The following GLYATL2 variants were observed in gnomAD, a reference collection of about 807,000 sequenced individuals.
GLYATL2 encodes the protein glycine-N-acyltransferase like 2, also known as glycine N-acyltransferase-like protein 2.
In GLYATL2, 25 loss-of-function variants were observed where a neutral mutation model predicts 21.4. That is an observed-to-expected ratio of 1.17 (90% confidence interval 0.85 to 1.63). The LOEUF (loss-of-function observed/expected upper bound fraction) is 1.63, where lower values mean the gene tolerates loss of function less well. Ranked by LOEUF, GLYATL2 falls within the 40% of genes most tolerant of loss-of-function variation. The probability of loss-of-function intolerance (pLI) is 0.00; values close to 1 mark genes in which losing one functional copy is unlikely to be tolerated. For missense variants in GLYATL2, 361 were observed against 343.3 expected, an observed-to-expected ratio of 1.05 and a Z score of -0.41; for synonymous variants, 114 against 118.2, an observed-to-expected ratio of 0.96 and a Z score of 0.23.
At chr11:58,874,950 T>C (rs1251475812) in intron 1 of GLYATL2, among the ~76,000 whole-genome samples, 1 of 152,222 alleles carries the variant, frequency 6.6e-6, no homozygotes, top group Non-Finnish European at 1.5e-5. Context: ...CACTAAGGAC[T>C]TGCTTTATGA....
At chr11:58,896,836 G>A (rs536615306) in intron 1 of GLYATL2, among the ~76,000 whole-genome samples, 23 of 152,098 alleles carry the variant, frequency 1.5e-4, no homozygotes, top group African/African-American at 4.8e-4. Context: ...CTTTTCCAAC[G>A]TTTCATATAG....
intron 1 of GLYATL2, among the ~76,000 whole-genome samples, chr11:58,856,376 A>C (rs1206015051): frequency 6.6e-6 from 1 of 152,194 alleles, no homozygotes; most frequent in Non-Finnish European, 1.5e-5. Flanking sequence ...TTGCTTTCTT[A>C]TCATTGATGT....
At chr11:58,836,152 G>T (rs1456063368) in intron 5 of GLYATL2, among the ~76,000 whole-genome samples, 1 of 152,064 alleles carries the variant, frequency 6.6e-6, no homozygotes, top group Non-Finnish European at 1.5e-5. Flanking sequence ...GTTATTCTCT[G>T]CAATTCTAGA....
At chr11:58,897,679 G>T (rs1030344436) in intron 1 of GLYATL2, among the ~76,000 whole-genome samples, 1 of 152,036 alleles carries the variant, frequency 6.6e-6, no homozygotes, top group East Asian at 1.9e-4. Flanking sequence ...ATGTGTTATA[G>T]GGCCTTGGTA....
At chr11:58,866,475 C>G (rs1229045693) in intron 1 of GLYATL2, among the ~76,000 whole-genome samples, 1 of 148,710 alleles carries the variant, frequency 6.7e-6, no homozygotes, top group East Asian at 2.2e-4. Flanking sequence ...GAAGAATCTG[C>G]TCAATCACCA....
chr11:58,899,540 G>GATAC (rs1289708283), intron 1 of GLYATL2, among the ~76,000 whole-genome samples: 1 of 152,196 alleles, frequency 6.6e-6, no homozygotes, highest in African/African-American at 2.4e-5. Flanking sequence ...AGAGGCCTCA[G>GATAC]ATACGAGCAG....
intron 1 of GLYATL2, among the ~76,000 whole-genome samples, chr11:58,872,208 C>T (rs537420604): frequency 2.2e-4 from 33 of 152,166 alleles, no homozygotes; most frequent in South Asian, 4.2e-4. Context: ...GAGTAGGTTG[C>T]GAAAATTTTC....
At chr11:58,859,777 T>C (rs1223222889) in intron 1 of GLYATL2, among the ~76,000 whole-genome samples, 1 of 152,198 alleles carries the variant, frequency 6.6e-6, no homozygotes, top group African/African-American at 2.4e-5. Flanking sequence ...CTTAAACCAT[T>C]TTTGGTTGAT....
chr11:58,882,374 G>A (rs1286077704), intron 1 of GLYATL2, among the ~76,000 whole-genome samples: 1 of 152,160 alleles, frequency 6.6e-6, no homozygotes, highest in African/African-American at 2.4e-5. Flanking sequence ...CTGCATAAAT[G>A]TCTTCTTTTG....
intron 1 of GLYATL2, chr11:58,893,327 A>C (rs1395341659): frequency 4.7e-6 from 1 of 212,944 alleles, no homozygotes; most frequent in East Asian, 1.1e-4. Context: ...CGTCATAAGA[A>C]TATTCCATTT....
chr11:58,834,862 T>G, intron 5 of GLYATL2, 25 bp from the exon 6 acceptor site: 2 of 1,521,812 alleles, frequency 1.3e-6, no homozygotes, highest in Non-Finnish European at 1.8e-6. Context: ...AATTTTACAT[T>G]TATTCAGCCA....
At chr11:58,836,964 C>T (rs1853442155) in intron 5 of GLYATL2, 51 bp downstream of exon 5, 1 of 1,517,146 alleles carries the variant, frequency 6.6e-7, no homozygotes, top group Non-Finnish European at 9.1e-7. Flanking sequence ...GCCTTTGTGG[C>T]AACTCAGTAA....
intron 1 of GLYATL2, among the ~76,000 whole-genome samples, chr11:58,853,889 A>G (rs1853783910): frequency 6.6e-6 from 1 of 152,178 alleles, no homozygotes; most frequent in Admixed American, 6.6e-5. Flanking sequence ...ACCATGCTGC[A>G]CAATAGATTT....
intron 5 of GLYATL2, among the ~76,000 whole-genome samples, chr11:58,835,247 G>T (rs1345758903): frequency 1.3e-5 from 2 of 152,156 alleles, no homozygotes; most frequent in Non-Finnish European, 2.9e-5. Flanking sequence ...AAATATACAA[G>T]ATAGTATTTC....
In GLYATL2 at chr11:58,837,270, C is replaced by A; in HGVS notation, c.313+1G>T. 6.2e-7 allele frequency: 1 copy of A among 1,613,724 alleles called. No homozygotes were observed. Among genetic ancestry groups the A allele is most frequent in the Non-Finnish European group, 8.5e-7 (1 of 1,179,804 alleles). ...TTTTTCTTTTAACTCAGACTAGTTA[C>A]CTTGGATCTGCAAAGTTTGCTCCCA... On this transcript the variant is annotated splice_donor_variant, in intron 4 of 5. Transcript: ENST00000287275. LOFTEE classifies it high-confidence loss of function.
At chr11:58,905,694 C>A (rs1265022577), upstream of GLYATL2, 2 of 180,600 alleles carry the variant, frequency 1.1e-5, no homozygotes, top group South Asian at 4.2e-5. Flanking sequence ...CCGAGTGGTT[C>A]GGGGGAGGGG....
At chr11:58,867,953 G>C (rs1230838895) in intron 1 of GLYATL2, among the ~76,000 whole-genome samples, 1 of 148,816 alleles carries the variant, frequency 6.7e-6, no homozygotes, top group African/African-American at 2.4e-5. Context: ...CATCCCATAA[G>C]CACGGGCTGA....
chr11:58,908,269 G>A (rs573933308), upstream of GLYATL2: 4 of 152,282 alleles, frequency 2.6e-5, no homozygotes, highest in East Asian at 7.7e-4. Flanking sequence ...ATAGCCATAG[G>A]GGTTACCGCA....
chr11:58,837,067 T>C lies in GLYATL2; in HGVS notation c.424A>G (p.Lys142Glu). 1 of 1,613,876 alleles carries C rather than the reference T, an allele frequency of 6.2e-7. No homozygotes were observed. The highest frequency in any genetic ancestry group is 1.1e-5 in the South Asian group (1 of 91,064). The change falls in exon 5 of 6, where the codon AAG (lysine) becomes GAG (glutamate). Residue 142 changes from lysine to glutamate, a missense_variant. By Grantham distance (56) the Lys-to-Glu change is moderately conservative (BLOSUM62 1). Coordinates refer to ENST00000287275, the MANE Select transcript of GLYATL2 (RefSeq NM_145016.4). Reference sequence around the variant, plus strand: ...TCCATCTTGTCATTACTTGAGGTCTTGTGTTTCTTTGGTAATTCCGGTATA... The same window carrying C: ...TCCATCTTGTCATTACTTGAGGTCTCGTGTTTCTTTGGTAATTCCGGTATA... ...LFIPELPKKH[K>E]TSSNDKMELF...
Sources: gnomAD v4.1 joint callset for allele counts (sites outside exome capture counted in the v4.1 genomes callset) on GRCh38, gnomAD v4.1.1 for gene constraint, MANE v1.5 for transcripts, NCBI Gene and HGNC (gene_info 2026-07-23, HGNC 2026-07-21) for gene names.